Variants in NRK observed in about 807,000 individuals in gnomAD.
NRK encodes the protein nik-related protein kinase.
A neutral mutation model predicts 125.2 loss-of-function variants in NRK; 67 were observed. The ratio of observed to expected loss-of-function variants is 0.54; its 90% CI spans 0.44 to 0.66. The LOEUF (loss-of-function observed/expected upper bound fraction) is 0.66, where lower values mean the gene tolerates loss of function less well. NRK is among the 30% of genes least tolerant of loss of function. NRK has a pLI of 0.00. For synonymous variants in NRK, 458 were observed against 429.0 expected (o/e 1.07, Z -0.84); for missense variants, 1,224 against 1,192.9 (o/e 1.03, Z -0.38).
At chrX:105,919,227 G>C (rs2040407220) in intron 16 of NRK, among the ~76,000 whole-genome samples, 1 of 110,164 alleles carries the variant, frequency 9.1e-6, no homozygotes, top group South Asian at 3.8e-4. Flanking sequence ...CATTAAACAG[G>C]GACCTGAGTT....
intron 25 of NRK, 146 bp downstream of exon 25, chrX:105,946,161 A>G: frequency 1.4e-6 from 1 of 728,998 alleles, no homozygotes; most frequent in Admixed American, 3.8e-5. Flanking sequence ...TCTAAGAAAA[A>G]CTGTAATACA....
At chrX:105,878,056 A>C (rs181551857) in intron 2 of NRK, among the ~76,000 whole-genome samples, 13 of 111,201 alleles carry the variant, frequency 1.2e-4, no homozygotes, top group African/African-American at 4.2e-4. Context: ...AATCTCTTAG[A>C]ATCAAGGAAG....
At chrX:105,826,274 A>G (rs2039102468) in intron 1 of NRK, among the ~76,000 whole-genome samples, 1 of 66,802 alleles carries the variant, frequency 1.5e-5, no homozygotes, top group South Asian at 6.1e-4. Flanking sequence ...CATATATAAT[A>G]TATATGAAAT....
chrX:105,873,231 A>T (rs942399104), intron 2 of NRK, among the ~76,000 whole-genome samples: 1 of 111,663 alleles, frequency 9.0e-6, no homozygotes, highest in African/African-American at 3.3e-5. Context: ...TGATTTTTTT[A>T]AAAATTAGCC....
chrX:105,921,917 A>G (rs1329853568), intron 16 of NRK, 47 bp from the exon 17 acceptor site: 6 of 616,385 alleles, frequency 9.7e-6, no homozygotes, highest in Non-Finnish European at 1.3e-5. Flanking sequence ...TATGAAGGCA[A>G]TGGCTGTAAT....
chrX:105,908,314 C>T lies in NRK; in HGVS notation c.1085+11C>T, dbSNP rs921351978. ...CGTGAGAAGATTCAGGTGCGTTCCACAAATTGCATATATAATTTGATGATA... is the reference window on the plus strand; with the variant it reads ...CGTGAGAAGATTCAGGTGCGTTCCATAAATTGCATATATAATTTGATGATA... On this transcript the variant is annotated intron_variant, in intron 12 of 28. Transcript: ENST00000243300. The T allele has an allele frequency of 3.3e-6, 3 of 908,165 alleles. No individual in the cohort carries two copies. In the African/African-American group the frequency reaches 6.2e-5, roughly 19 times the overall value. 74.8% of individuals were successfully genotyped at this position (908,165 alleles called of 1,213,427 possible).
At chrX:105,864,175 G>A (rs1457786860) in intron 2 of NRK, among the ~76,000 whole-genome samples, 1 of 111,593 alleles carries the variant, frequency 9.0e-6, no homozygotes, top group East Asian at 2.8e-4. Flanking sequence ...TCATAGAAAG[G>A]ATTTCACAGC....
upstream of NRK, among the ~76,000 whole-genome samples, chrX:105,821,880 G>A (rs886990089): frequency 9.0e-6 from 1 of 111,576 alleles, no homozygotes; most frequent in Admixed American, 9.4e-5. Context: ...AGGAGATAAG[G>A]CCTGCCGGGA....
chrX:105,949,208 T>C (rs1289439709), intron 26 of NRK, among the ~76,000 whole-genome samples: 1 of 112,188 alleles, frequency 8.9e-6, no homozygotes, highest in Non-Finnish European at 1.9e-5. Context: ...CATTAATTAC[T>C]AAAGTATTTA....
In NRK at chrX:105,900,602, A is replaced by G. The variant is rs749738109; in HGVS notation, c.712-16A>G. Reference sequence around the variant, plus strand: ...CCTATTTTTAAGTGACTTTTTTGTCATCTTTGTCTTTGCAGAGTGATGTGT... The same window carrying G: ...CCTATTTTTAAGTGACTTTTTTGTCGTCTTTGTCTTTGCAGAGTGATGTGT... On this transcript the variant is annotated splice_polypyrimidine_tract_variant and intron_variant, in intron 8 of 28. Transcript: ENST00000243300. 1.7e-6 allele frequency: 2 copies of G among 1,164,239 alleles called. No individual in the cohort carries two copies. The highest frequency in any genetic ancestry group is 2.3e-6 in the Non-Finnish European group (2 of 855,965).
intron 13 of NRK, among the ~76,000 whole-genome samples, chrX:105,911,535 A>T (rs769674411): frequency 9.0e-6 from 1 of 111,679 alleles, no homozygotes; most frequent in Admixed American, 9.6e-5. Flanking sequence ...GAGCCAATTA[A>T]ACAAATGCTA....
intron 2 of NRK, among the ~76,000 whole-genome samples, chrX:105,844,804 G>A (rs953467000): frequency 2.7e-5 from 3 of 111,642 alleles, no homozygotes; most frequent in African/African-American, 9.8e-5. Flanking sequence ...TAATTCCATT[G>A]AGGCTGAGCT....
intron 16 of NRK, among the ~76,000 whole-genome samples, chrX:105,918,452 C>T (rs112384912): frequency 9.0e-6 from 1 of 111,096 alleles, no homozygotes; most frequent in Non-Finnish European, 1.9e-5. Flanking sequence ...TACAGATGTA[C>T]TTCACTTTTT....
rs1167347025 is a variant in NRK, at chrX:105,924,893, G to A, written c.3174G>A (p.Glu1058=). Residue 1058 remains glutamate, a synonymous_variant, in exon 19 of 29, where the codon GAG becomes GAA. Coordinates refer to ENST00000243300, the MANE Select transcript of NRK (RefSeq NM_198465.4). The stretch of plus-strand genomic sequence containing the variant: ...TAGGCAGTGAAAGAAGAGGCAGTGA[G>A]GGTGATGGAGGTAAGGGAGTCGTTC... ...ANIGSERRGS[E]GDGGKGVVRT... is the part of the protein sequence containing the mutation. 1 of 1,210,759 alleles carries A rather than the reference G, an allele frequency of 8.3e-7. No individual in the cohort carries two copies.
Position 105,898,611 on chromosome X carries a change from G to C in NRK, c.608G>C (p.Ser203Thr), listed in dbSNP as rs1348427560. ...LVDFGVSAQVSRTNGRRNSFI... is the reference protein window; with the variant it reads ...LVDFGVSAQVTRTNGRRNSFI... ...GATTTTGGAGTGAGTGCCCAGGTGA[G>C]CAGAACTAATGGAAGAAGGAATAGT... Residue 203 changes from serine (S) to threonine (T), a missense_variant, in exon 8 of 29, where the codon AGC (serine) becomes ACC (threonine). Physicochemically the swap from Ser to Thr is moderately conservative, Grantham distance 58 (BLOSUM62 1). Coordinates refer to ENST00000243300, the MANE Select transcript of NRK (RefSeq NM_198465.4). 1 of 1,198,396 alleles carries C rather than the reference G, an allele frequency of 8.3e-7. No homozygotes were observed. The highest frequency in any genetic ancestry group is 1.1e-6 in the Non-Finnish European group (1 of 887,874).
intron 2 of NRK, among the ~76,000 whole-genome samples, chrX:105,854,071 T>C (rs1190437228): frequency 8.9e-6 from 1 of 111,790 alleles, no homozygotes; most frequent in African/African-American, 3.3e-5. Context: ...TGCAGTAAAT[T>C]TCCCAGTGCT....
In NRK at chrX:105,831,100, C is replaced by A; in HGVS notation, c.104C>A (p.Thr35Asn). The change falls in exon 2 of 29, where the codon ACT becomes AAT. Residue 35 changes from threonine (T) to asparagine (N), a missense_variant. Coordinates refer to ENST00000243300, the MANE Select transcript of NRK (RefSeq NM_198465.4). ...CTAGATAAAACCATTGGCCTTGGTA[C>A]TTATGGCAGAATCTATTTGGTAAGT... is the stretch of plus-strand genomic sequence containing the variant. ...FSLDKTIGLG[T>N]YGRIYLGLHE... The A allele has an allele frequency of 8.8e-7, 1 of 1,133,464 alleles. No individual in the cohort carries two copies. The highest frequency in any genetic ancestry group is 1.9e-5 in the South Asian group (1 of 53,171). The allele number at this position is 1,133,464 out of a possible 1,213,427, so 93.4% of individuals were successfully genotyped here. A position where few individuals can be genotyped will look rare whatever the true frequency, so the allele number is the denominator to read the frequency against.
intron 6 of NRK, among the ~76,000 whole-genome samples, chrX:105,894,919 T>G (rs983626528): frequency 8.9e-6 from 1 of 112,042 alleles, no homozygotes; most frequent in African/African-American, 3.2e-5. Context: ...ATGGGTAAAT[T>G]TTAGTGGTGA....
chrX:105,944,150 A>G (rs1207723892), intron 24 of NRK, 109 bp downstream of exon 24: 9 of 422,257 alleles, frequency 2.1e-5, no homozygotes. Flanking sequence ...CCATTCTTCT[A>G]TAGTTAATGA....
Sources: allele counts gnomAD v4.1 joint callset (sites outside exome capture counted in the v4.1 genomes callset), GRCh38; gene constraint gnomAD v4.1.1; transcripts MANE v1.5; gene names NCBI Gene and HGNC (gene_info 2026-07-23, HGNC 2026-07-21).